The following ZNF385D variants were observed in gnomAD, a reference collection of about 807,000 sequenced individuals.
ZNF385D encodes the protein zinc finger protein 385D.
ZNF385D carries 15 observed loss-of-function variants against 35.8 expected under a neutral mutation model. That is an observed-to-expected ratio of 0.42 (90% CI 0.28 to 0.64). ZNF385D has a LOEUF of 0.64. Ranked by LOEUF, ZNF385D falls within the 30% of genes least tolerant of loss-of-function variation. The pLI, the probability that ZNF385D is intolerant of heterozygous loss-of-function variation, is 0.23. For missense variants in ZNF385D, 474 were observed against 494.6 expected, an observed-to-expected ratio of 0.96 and a Z score of 0.39; for synonymous variants, 212 against 186.8, an observed-to-expected ratio of 1.13 and a Z score of -1.10.
intron 3 of ZNF385D, among the ~76,000 whole-genome samples, chr3:21,874,483 G>A (rs941124042): frequency 2.6e-5 from 4 of 151,930 alleles, no homozygotes; most frequent in African/African-American, 7.2e-5. Flanking sequence ...GCTTTACTTG[G>A]TATGCAAAAG....
chr3:21,699,678 T>G lies in ZNF385D; in HGVS notation c.23-34650A>C, dbSNP rs553244817. ...TCATGAATAGCTTACATTGATAATG[T>G]TGAAATAATACTTTTGATATATTAT... On this transcript the variant is annotated intron_variant, in intron 1 of 7. Coordinates refer to ENST00000281523, the MANE Select transcript of ZNF385D (RefSeq NM_024697.3). Among the ~76,000 whole-genome samples, 489 of 152,116 alleles carry G rather than the reference T, an allele frequency of 3.2e-3. 2 individuals carry two copies. The highest frequency in any genetic ancestry group is 0.011 in the African/African-American group (474 of 41,510).
At chr3:22,119,995 CTTT>C (rs11345782) in intron 3 of ZNF385D, among the ~76,000 whole-genome samples, 9 of 136,272 alleles carry the variant, frequency 6.6e-5, no homozygotes, top group Non-Finnish European at 7.8e-5. Flanking sequence ...TTTCTTTTTT[CTTT>C]TTTTTTTTTT....
At chr3:22,047,144 G>T (rs1257678966) in intron 3 of ZNF385D, among the ~76,000 whole-genome samples, 3 of 152,046 alleles carry the variant, frequency 2.0e-5, no homozygotes, top group Non-Finnish European at 4.4e-5. Flanking sequence ...ACACATGTAT[G>T]GTGCACAACA....
chr3:21,796,473 G>A (rs2072156878), intron 3 of ZNF385D, among the ~76,000 whole-genome samples: 1 of 152,122 alleles, frequency 6.6e-6, no homozygotes, highest in South Asian at 2.1e-4. Context: ...GGCAAGGCTA[G>A]TTCAAAATTT....
intron 1 of ZNF385D, among the ~76,000 whole-genome samples, chr3:21,675,741 T>C (rs1322164714): frequency 6.6e-6 from 1 of 152,144 alleles, no homozygotes; most frequent in Non-Finnish European, 1.5e-5. Context: ...AAGTTTATCA[T>C]GTTTATAATC....
intron 2 of ZNF385D, among the ~76,000 whole-genome samples, chr3:22,324,417 A>G (rs1694581603): frequency 6.6e-6 from 1 of 152,056 alleles, no homozygotes; most frequent in Non-Finnish European, 1.5e-5. Context: ...CAACTCAATC[A>G]CTCTTCTATA....
chr3:22,018,949 C>A (rs1179329030), intron 3 of ZNF385D, among the ~76,000 whole-genome samples: 1 of 150,928 alleles, frequency 6.6e-6, no homozygotes, highest in African/African-American at 2.4e-5. Flanking sequence ...AATTCCTACT[C>A]CTTTCCGTCT....
chr3:21,740,976 G>A (rs1434154264), intron 1 of ZNF385D, among the ~76,000 whole-genome samples: 1 of 152,132 alleles, frequency 6.6e-6, no homozygotes, highest in Non-Finnish European at 1.5e-5. Flanking sequence ...CTTTTGTACA[G>A]CCAGGGTTTA....
chr3:21,902,744 G>T (rs1189835557), intron 3 of ZNF385D, among the ~76,000 whole-genome samples: 1 of 152,142 alleles, frequency 6.6e-6, no homozygotes, highest in Non-Finnish European at 1.5e-5. Context: ...GTTGCTAGAT[G>T]ACGAGTTAGT....
chr3:21,970,732 A>G (rs2125339923), intron 3 of ZNF385D, among the ~76,000 whole-genome samples: 1 of 152,232 alleles, frequency 6.6e-6, no homozygotes, highest in Non-Finnish European at 1.5e-5. Flanking sequence ...CACCAAGAAG[A>G]TTTAACCCAA....
At chr3:22,269,044 G>T (rs1381707027) in intron 2 of ZNF385D, among the ~76,000 whole-genome samples, 2 of 151,770 alleles carry the variant, frequency 1.3e-5, no homozygotes, top group Non-Finnish European at 2.9e-5. Context: ...AAAAGTAAAG[G>T]CCCCACATAT....
intron 3 of ZNF385D, among the ~76,000 whole-genome samples, chr3:21,828,251 C>T (rs1417566970): frequency 6.6e-6 from 1 of 152,116 alleles, no homozygotes; most frequent in South Asian, 2.1e-4. Context: ...AGTTCGTGGT[C>T]ATGTAGTCAC....
At chr3:21,495,922 T>C (rs982799169) in intron 4 of ZNF385D, among the ~76,000 whole-genome samples, 5 of 151,972 alleles carry the variant, frequency 3.3e-5, no homozygotes, top group Non-Finnish European at 7.4e-5. Context: ...ATGAATACGT[T>C]TATGCACACA....
chr3:22,243,800 G>A (rs1239694074), intron 2 of ZNF385D, among the ~76,000 whole-genome samples: 1 of 150,772 alleles, frequency 6.6e-6, no homozygotes, highest in Non-Finnish European at 1.5e-5. Flanking sequence ...TGGTTTGGAG[G>A]TGAGAGGAGA....
chr3:21,580,521 G>T (rs1317754423), intron 2 of ZNF385D, among the ~76,000 whole-genome samples: 1 of 152,072 alleles, frequency 6.6e-6, no homozygotes, highest in Non-Finnish European at 1.5e-5. Context: ...TAAATTGTGG[G>T]CAGTACCTAA....
intron 3 of ZNF385D, among the ~76,000 whole-genome samples, chr3:21,958,245 C>T (rs991428436): frequency 2.0e-5 from 3 of 152,058 alleles, no homozygotes; most frequent in Non-Finnish European, 4.4e-5. Flanking sequence ...GAGGTGATCA[C>T]ATTAAGAAGA....
intron 4 of ZNF385D, among the ~76,000 whole-genome samples, chr3:21,490,436 A>G (rs913944241): frequency 2.0e-5 from 3 of 152,154 alleles, no homozygotes; most frequent in African/African-American, 7.2e-5. Flanking sequence ...TTACAATACA[A>G]TGTGACTGTC....
intron 3 of ZNF385D, among the ~76,000 whole-genome samples, chr3:21,887,849 G>A (rs1698628766): frequency 6.6e-6 from 1 of 151,944 alleles, no homozygotes; most frequent in Admixed American, 6.6e-5. Flanking sequence ...AAAATGCATG[G>A]TTAATTAATT....
chr3:21,659,618 GA>G (rs1273446075), intron 2 of ZNF385D, among the ~76,000 whole-genome samples: 1 of 151,996 alleles, frequency 6.6e-6, no homozygotes, highest in Non-Finnish European at 1.5e-5. Context: ...TGCACCTATA[GA>G]AAATTCAAAT....
Sources: allele counts gnomAD v4.1 joint callset (sites outside exome capture counted in the v4.1 genomes callset), GRCh38; gene constraint gnomAD v4.1.1; transcripts MANE v1.5; gene names NCBI Gene and HGNC (gene_info 2026-07-23, HGNC 2026-07-21).